Variants in MSRB3 observed in about 807,000 individuals in gnomAD.
MSRB3 encodes methionine sulfoxide reductase B3, also known as methionine-R-sulfoxide reductase B3.
In MSRB3, 13 loss-of-function variants were observed where a neutral mutation model predicts 21.0. That is an observed-to-expected ratio of 0.62 (90% CI 0.40 to 0.98). The LOEUF is 0.98. Ranked by LOEUF, MSRB3 falls within the 50% of genes least tolerant of loss-of-function variation. MSRB3 has a pLI of 0.00. For missense variants in MSRB3, 199 were observed against 230.3 expected (o/e 0.86, Z 0.88); for synonymous variants, 87 against 88.6 (o/e 0.98, Z 0.10).
At chr12:65,324,579 A>G (rs761177725) in intron 2 of MSRB3, among the ~76,000 whole-genome samples, 159 of 152,166 alleles carry the variant, frequency 1.0e-3, no homozygotes, top group Non-Finnish European at 1.1e-3. Flanking sequence ...TTTCTTGTAC[A>G]AATACTTGAC....
chr12:65,448,303 C>G (rs1471283265), intron 5 of MSRB3, among the ~76,000 whole-genome samples: 1 of 152,134 alleles, frequency 6.6e-6, no homozygotes, highest in Admixed American at 6.5e-5. Context: ...ATGTAGCAGG[C>G]ACTTTTTTAG....
At chr12:65,353,388 G>A (rs532603825) in intron 4 of MSRB3, among the ~76,000 whole-genome samples, 1 of 152,086 alleles carries the variant, frequency 6.6e-6, no homozygotes, top group Non-Finnish European at 1.5e-5. Context: ...CTAAAGACTT[G>A]CTTTATGAAT....
At chr12:65,428,347 T>A (rs1279308908) in intron 5 of MSRB3, among the ~76,000 whole-genome samples, 1 of 152,146 alleles carries the variant, frequency 6.6e-6, no homozygotes, top group Non-Finnish European at 1.5e-5. Flanking sequence ...TGCAAAATCT[T>A]AAATAGGATC....
chr12:65,377,517 C>T (rs2136550773), intron 5 of MSRB3, among the ~76,000 whole-genome samples: 1 of 152,128 alleles, frequency 6.6e-6, no homozygotes, highest in East Asian at 1.9e-4. Context: ...CCAGGCTGGT[C>T]TCAAACTCCT....
At chr12:65,306,933 C>T (rs933337166) in intron 1 of MSRB3, 9 of 985,718 alleles carry the variant, frequency 9.1e-6, no homozygotes, top group South Asian at 9.4e-5. Flanking sequence ...GGTTGGTAGG[C>T]GCCCAGGCTG....
intron 5 of MSRB3, among the ~76,000 whole-genome samples, chr12:65,443,079 A>G (rs568336657): frequency 2.0e-5 from 3 of 152,218 alleles, no homozygotes; most frequent in East Asian, 1.9e-4. Context: ...TTGCCGAGAC[A>G]TTTTGAGATT....
At chr12:65,422,190 T>C (rs1038811052) in intron 5 of MSRB3, among the ~76,000 whole-genome samples, 1 of 151,698 alleles carries the variant, frequency 6.6e-6, no homozygotes, top group Non-Finnish European at 1.5e-5. Flanking sequence ...ATTCCAAATA[T>C]ATATGCACCC....
chr12:65,424,508 T>C (rs1881477642), intron 5 of MSRB3, among the ~76,000 whole-genome samples: 2 of 152,232 alleles, frequency 1.3e-5, no homozygotes, highest in African/African-American at 4.8e-5. Flanking sequence ...GATGTTGTGT[T>C]TCTATTTTTG....
At chr12:65,335,657 T>C (rs952069876) in intron 4 of MSRB3, among the ~76,000 whole-genome samples, 3 of 152,130 alleles carry the variant, frequency 2.0e-5, no homozygotes, top group African/African-American at 7.2e-5. Flanking sequence ...AGTGAGAAGA[T>C]AAGAGTTTTC....
At chr12:65,441,494 T>G (rs1051997335) in intron 5 of MSRB3, among the ~76,000 whole-genome samples, 7 of 152,046 alleles carry the variant, frequency 4.6e-5, no homozygotes, top group African/African-American at 1.7e-4. Flanking sequence ...AAGCTACTAT[T>G]GTCTTTAAAT....
intron 4 of MSRB3, among the ~76,000 whole-genome samples, chr12:65,351,985 C>T (rs576645480): frequency 6.6e-6 from 1 of 152,148 alleles, no homozygotes; most frequent in East Asian, 1.9e-4. Flanking sequence ...CATTCTGATA[C>T]CAAAGCCGGA....
Position 65,465,829 on chromosome 12 carries a change from A to G in MSRB3, c.*2507A>G, listed in dbSNP as rs533616910. On this transcript the variant is annotated 3_prime_UTR_variant, in exon 7 of 7. Coordinates refer to ENST00000308259, the MANE Select transcript of MSRB3 (RefSeq NM_001031679.3). ...CTAGAAGTCTTTCCCAATCTCACAG[A>G]GAAAGCCCTAGTATTTCCCAGTGAC... 1 of 152,366 alleles carries G rather than the reference A, an allele frequency of 6.6e-6. No homozygotes were observed. The highest frequency in any genetic ancestry group is 1.9e-4 in the East Asian group (1 of 5,176). The allele number at this position is 152,366 out of a possible 1,614,324, so 9.4% of individuals were successfully genotyped here. A position where few individuals can be genotyped will look rare whatever the true frequency, so the allele number is the denominator to read the frequency against.
intron 4 of MSRB3, among the ~76,000 whole-genome samples, chr12:65,362,029 G>C (rs1303845212): frequency 6.6e-6 from 1 of 152,104 alleles, no homozygotes; most frequent in Non-Finnish European, 1.5e-5. Flanking sequence ...ATAACCTACT[G>C]CTGCTTAGTT....
At chr12:65,418,651 G>GTTT in intron 5 of MSRB3, 10 of 504,542 alleles carry the variant, frequency 2.0e-5, no homozygotes, top group South Asian at 4.9e-5. Flanking sequence ...TCCATTTTGA[G>GTTT]TTTTTTTTTT....
intron 4 of MSRB3, among the ~76,000 whole-genome samples, chr12:65,365,281 G>A (rs1877944765): frequency 6.6e-6 from 1 of 152,082 alleles, no homozygotes; most frequent in South Asian, 2.1e-4. Flanking sequence ...ACTCAGCTTC[G>A]TGTCAATGCC....
chr12:65,432,539 CCTGA>C (rs1402580977), intron 5 of MSRB3, among the ~76,000 whole-genome samples: 1 of 152,000 alleles, frequency 6.6e-6, no homozygotes, highest in Non-Finnish European at 1.5e-5. Context: ...CTCTTCTAAT[CCTGA>C]CTAAGGTAAA....
intron 5 of MSRB3, among the ~76,000 whole-genome samples, chr12:65,400,103 G>C (rs188083086): frequency 6.6e-6 from 1 of 152,274 alleles, no homozygotes; most frequent in East Asian, 1.9e-4. Context: ...GTATGAGGAT[G>C]ATGCTGGCCT....
At chr12:65,417,573 T>G (rs775923451) in intron 5 of MSRB3, among the ~76,000 whole-genome samples, 1 of 152,224 alleles carries the variant, frequency 6.6e-6, no homozygotes, top group Non-Finnish European at 1.5e-5. Flanking sequence ...GTCACCATGA[T>G]GTACAATAGG....
At chr12:65,344,057 T>G (rs1876323705) in intron 4 of MSRB3, 1 of 152,072 alleles carries the variant, frequency 6.6e-6, no homozygotes, top group African/African-American at 2.4e-5. Flanking sequence ...TCACAAGAAC[T>G]TTTGAGAGGA....
Sources: gnomAD v4.1 joint callset for allele counts (sites outside exome capture counted in the v4.1 genomes callset) on GRCh38, gnomAD v4.1.1 for gene constraint, MANE v1.5 for transcripts, NCBI Gene and HGNC (gene_info 2026-07-23, HGNC 2026-07-21) for gene names.